STK3: variants seen among roughly 807,000 people sequenced by gnomAD.
STK3 encodes the protein serine/threonine-protein kinase 3.
A neutral mutation model predicts 58.0 loss-of-function variants in STK3; 41 were observed. The observed-to-expected ratio is 0.71, with a 90% CI of 0.55 to 0.92. The LOEUF (loss-of-function observed/expected upper bound fraction) is 0.92, where lower values mean the gene tolerates loss of function less well. Ranked by LOEUF, STK3 falls within the 40% of genes least tolerant of loss-of-function variation. STK3 has a pLI of 0.00. For missense variants in STK3, 479 were observed against 602.7 expected, an observed-to-expected ratio of 0.79 and a Z score of 2.15; for synonymous variants, 170 against 191.0, an observed-to-expected ratio of 0.89 and a Z score of 0.91.
Position 98,923,873 on chromosome 8 carries a change from G to A in STK3, c.-79+18505C>T, listed in dbSNP as rs1353030828. ...TGTGTGTGCGCGCGCGCGCGCGCGC[G>A]CGCGTTGACAATGATGGGAGAGAAT... On this transcript the variant is annotated intron_variant, in intron 1 of 1. Transcript: ENST00000519420. 2.1e-4 allele frequency among the ~76,000 whole-genome samples: 31 copies of A among 147,310 alleles called. No homozygotes were observed. In the East Asian group the frequency reaches 4.3e-3, roughly 21 times the overall value.
upstream of STK3, among the ~76,000 whole-genome samples, chr8:98,828,645 G>A (rs565558094): frequency 1.3e-5 from 2 of 151,722 alleles, no homozygotes; most frequent in East Asian, 3.9e-4. Context: ...AGGAAAGAGA[G>A]AAAGAAAGAA....
intron 1 of STK3, among the ~76,000 whole-genome samples, chr8:98,385,452 G>A (rs910590119): frequency 2.6e-5 from 4 of 152,136 alleles, no homozygotes; most frequent in African/African-American, 9.7e-5. Flanking sequence ...TTAAGTTCAC[G>A]AGAAAGGCCT....
chr8:98,820,774 G>A (rs918691197), intron 1 of STK3, among the ~76,000 whole-genome samples: 2 of 152,070 alleles, frequency 1.3e-5, no homozygotes, highest in Admixed American at 1.3e-4. Flanking sequence ...TCATGAGATC[G>A]AGACCATCCT....
intron 10 of STK3, among the ~76,000 whole-genome samples, chr8:98,489,937 T>C (rs1028652629): frequency 2.0e-5 from 3 of 152,198 alleles, no homozygotes; most frequent in African/African-American, 7.2e-5. Flanking sequence ...TAACTGGAAT[T>C]GTATTAATGA....
intron 1 of STK3, chr8:98,437,545 T>G (rs1012297068): frequency 1.3e-5 from 2 of 152,210 alleles, no homozygotes; most frequent in African/African-American, 4.8e-5. Context: ...CTTAAAACTC[T>G]TTTTGTCGCC....
intron 10 of STK3, among the ~76,000 whole-genome samples, chr8:98,488,725 C>T (rs1029804432): frequency 3.5e-4 from 53 of 152,274 alleles, no homozygotes; most frequent in African/African-American, 1.2e-3. Flanking sequence ...CTAAAAATAA[C>T]AGCAAAACTA....
chr8:98,523,657 G>A (rs1474673431), intron 10 of STK3, among the ~76,000 whole-genome samples: 1 of 151,768 alleles, frequency 6.6e-6, no homozygotes, highest in African/African-American at 2.4e-5. Context: ...TTACAGGCAT[G>A]AGCCACCATG....
At chr8:98,389,407 C>A (rs750684926), upstream of STK3, among the ~76,000 whole-genome samples, 3 of 152,196 alleles carry the variant, frequency 2.0e-5, no homozygotes, top group African/African-American at 7.2e-5. Flanking sequence ...AGAAGTCTAG[C>A]ACAATGCTTA....
At chr8:98,519,270 C>T (rs1021090836) in intron 10 of STK3, among the ~76,000 whole-genome samples, 2 of 151,986 alleles carry the variant, frequency 1.3e-5, no homozygotes, top group African/African-American at 4.8e-5. Context: ...TAACATGCTG[C>T]TATACTGGTA....
At chr8:98,400,650 CATG>C (rs1224900849), downstream of STK3, among the ~76,000 whole-genome samples, 1 of 152,196 alleles carries the variant, frequency 6.6e-6, no homozygotes, top group Non-Finnish European at 1.5e-5. Flanking sequence ...TGTTCACTTT[CATG>C]ATGATTTTCA....
chr8:98,628,318 A>C (rs768763042), intron 6 of STK3, among the ~76,000 whole-genome samples: 1 of 152,156 alleles, frequency 6.6e-6, no homozygotes, highest in East Asian at 1.9e-4. Context: ...CTGGCTACAC[A>C]ATGTTACTAG....
intron 1 of STK3, among the ~76,000 whole-genome samples, chr8:98,923,004 T>C (rs959739001): frequency 2.0e-5 from 3 of 152,240 alleles, no homozygotes; most frequent in Non-Finnish European, 4.4e-5. Flanking sequence ...AAACTCTGGC[T>C]GTTTGCTGAC....
At chr8:98,787,978 C>G (rs1374756541) in intron 1 of STK3, among the ~76,000 whole-genome samples, 1 of 152,042 alleles carries the variant, frequency 6.6e-6, no homozygotes, top group Admixed American at 6.5e-5. Flanking sequence ...AAAACAGAAC[C>G]CCTTTAAAGC....
Position 98,594,656 on chromosome 8 carries a change from T to A in STK3, c.822+1376A>T, listed in dbSNP as rs138317763. Among the ~76,000 whole-genome samples, 34 of 152,248 alleles carry A rather than the reference T, an allele frequency of 2.2e-4. 1 individual carries two copies. In the South Asian group the frequency reaches 7.0e-3, roughly 32 times the overall value. On this transcript the variant is annotated intron_variant, in intron 7 of 10. Transcript: ENST00000419617. The stretch of plus-strand genomic sequence containing the variant: ...ACATATAATATACATATATAACACA[T>A]ACATATATATTTCAAATGAATATTG...
intron 2 of STK3, among the ~76,000 whole-genome samples, chr8:98,372,053 C>CA (rs758583816): frequency 1.3e-5 from 2 of 152,108 alleles, no homozygotes; most frequent in Non-Finnish European, 2.9e-5. Flanking sequence ...CACAGACACC[C>CA]ACACAGGGAG....
At chr8:98,570,600 G>C (rs1175747131) in intron 8 of STK3, among the ~76,000 whole-genome samples, 1 of 151,958 alleles carries the variant, frequency 6.6e-6, no homozygotes, top group African/African-American at 2.4e-5. Context: ...CCACAAGGTA[G>C]GGCAAAACCA....
At chr8:98,799,335 G>GGCAGGGAAA (rs1309959564) in intron 1 of STK3, among the ~76,000 whole-genome samples, 2 of 151,916 alleles carry the variant, frequency 1.3e-5, no homozygotes, top group Non-Finnish European at 2.9e-5. Context: ...TGCTGGCAGA[G>GGCAGGGAAA]GCAGGGAAAG....
At chr8:98,610,651 G>T (rs748408618) in intron 6 of STK3, among the ~76,000 whole-genome samples, 1 of 152,134 alleles carries the variant, frequency 6.6e-6, no homozygotes, top group East Asian at 1.9e-4. Flanking sequence ...GAAGATGCCC[G>T]CATAGGCTCA....
At position 98,844,489 on chromosome 8, in the gene STK3, A is replaced by G. The variant is rs573271658; in HGVS notation, c.110+39158T>C. Among the ~76,000 whole-genome samples the G allele has an allele frequency of 2.6e-4, 40 of 152,124 alleles. No homozygotes were observed. In the Middle Eastern group the frequency reaches 0.031, roughly 116 times the overall value. ...TGTGTGTTTTTGTTTTTTTTGAGACAGGGATTGGCTCTGTTGCCCAAGCAG... is the reference window on the plus strand; with the variant it reads ...TGTGTGTTTTTGTTTTTTTTGAGACGGGGATTGGCTCTGTTGCCCAAGCAG... On this transcript the variant is annotated intron_variant, in intron 3 of 12. Transcript: ENST00000523601.
Sources: gnomAD v4.1 joint callset for allele counts (sites outside exome capture counted in the v4.1 genomes callset) on GRCh38, gnomAD v4.1.1 for gene constraint, MANE v1.5 for transcripts, NCBI Gene and HGNC (gene_info 2026-07-23, HGNC 2026-07-21) for gene names.